YTHDF2: variants seen among roughly 807,000 people sequenced by gnomAD.
YTHDF2 encodes the protein YTH N6-methyladenosine RNA binding protein F2, also known as YTH domain-containing family protein 2.
In YTHDF2, 2 loss-of-function variants were observed where a neutral mutation model predicts 50.4. The ratio of observed to expected loss-of-function variants is 0.04; its 90% CI spans 0.02 to 0.12. YTHDF2 has a LOEUF of 0.12. Among genes scored for constraint, YTHDF2 ranks in the 10% least tolerant of loss-of-function variants. The pLI, the probability that YTHDF2 is intolerant of heterozygous loss-of-function variation, is 1.00. For missense variants in YTHDF2, 483 were observed against 722.6 expected (o/e 0.67, Z 3.80); for synonymous variants, 217 against 255.6 (o/e 0.85, Z 1.44).
At chr1:28,760,163 C>A (rs1290288515) in intron 4 of YTHDF2, among the ~76,000 whole-genome samples, 1 of 152,052 alleles carries the variant, frequency 6.6e-6, no homozygotes, top group African/African-American at 2.4e-5. Flanking sequence ...TCCTGAAGGA[C>A]CTATCAGAGG....
intron 4 of YTHDF2, among the ~76,000 whole-genome samples, chr1:28,751,029 G>A (rs1255539248): frequency 2.1e-5 from 3 of 146,270 alleles, no homozygotes; most frequent in African/African-American, 5.1e-5. Context: ...GGAGATGGAG[G>A]TTGCTGTGAG....
intron 4 of YTHDF2, among the ~76,000 whole-genome samples, chr1:28,756,404 A>G (rs1307241762): frequency 6.6e-6 from 1 of 152,192 alleles, no homozygotes; most frequent in Non-Finnish European, 1.5e-5. Context: ...AGTATGAGCC[A>G]TTCTGCTTAC....
chr1:28,737,509 A>G, intron 1 of YTHDF2, 149 bp from the exon 2 acceptor site: 3 of 1,103,174 alleles, frequency 2.7e-6, no homozygotes, highest in Admixed American at 2.9e-5. Context: ...CCCGCCTCCC[A>G]TTTTCAGCCT....
chr1:28,751,090 C>CAAAA lies in YTHDF2; in HGVS notation c.1716+7121_1716+7124dup, dbSNP rs56916547. On this transcript the variant is annotated intron_variant, in intron 4 of 4. Coordinates refer to ENST00000373812, the MANE Select transcript of YTHDF2 (RefSeq NM_016258.3). ...CCTTTGTGACAGAGCGAGACTGTCT[C>CAAAA]AAAAAAAAAAAAAAAAAAAAGGCTG... Among the ~76,000 whole-genome samples the CAAAA allele has an allele frequency of 1.3e-3, 44 of 33,754 alleles. 8 individuals carry two copies. The highest frequency in any genetic ancestry group is 5.5e-3 in the African/African-American group (35 of 6,348). The allele number at this position is 33,754 out of a possible 152,430, so 22.1% of individuals were successfully genotyped here. A position where few individuals can be genotyped will look rare whatever the true frequency, so the allele number is the denominator to read the frequency against.
chr1:28,750,747 A>G (rs1339503270), intron 4 of YTHDF2, among the ~76,000 whole-genome samples: 22 of 151,662 alleles, frequency 1.5e-4, no homozygotes, highest in Non-Finnish European at 1.2e-4. Flanking sequence ...TACATTTACT[A>G]TATATATATA....
intron 3 of YTHDF2, among the ~76,000 whole-genome samples, 179 bp from the exon 4 acceptor site, chr1:28,742,224 A>G (rs1462825978): frequency 6.6e-6 from 1 of 151,818 alleles, no homozygotes; most frequent in Admixed American, 6.6e-5. Flanking sequence ...CGAGCTCCTG[A>G]CCTCAGGTGA....
chr1:28,744,234 CAG>C (rs1182966778), intron 4 of YTHDF2, among the ~76,000 whole-genome samples: 1 of 152,050 alleles, frequency 6.6e-6, no homozygotes, highest in African/African-American at 2.4e-5. Context: ...GGAAATCAGA[CAG>C]AAACAGTACA....
chr1:28,737,805 A>C, intron 2 of YTHDF2, 123 bp downstream of exon 2: 1 of 1,154,204 alleles, frequency 8.7e-7, no homozygotes, highest in Non-Finnish European at 1.2e-6. Flanking sequence ...CAGGTGCCGC[A>C]CACTTAAGTA....
intron 4 of YTHDF2, among the ~76,000 whole-genome samples, chr1:28,749,231 G>A (rs761690023): frequency 4.7e-5 from 6 of 127,626 alleles, no homozygotes; most frequent in South Asian, 2.4e-4. Flanking sequence ...TCGCTCTGTC[G>A]TCCAGGCGGG....
chr1:28,757,464 A>G (rs1258285743), intron 4 of YTHDF2, among the ~76,000 whole-genome samples: 2 of 152,132 alleles, frequency 1.3e-5, no homozygotes, highest in Non-Finnish European at 2.9e-5. Context: ...TGGTATTGCA[A>G]TTTCTGTTGG....
chr1:28,754,980 AAAAAG>A (rs1253733677), intron 4 of YTHDF2, among the ~76,000 whole-genome samples: 5 of 151,682 alleles, frequency 3.3e-5, no homozygotes, highest in African/African-American at 1.2e-4. Flanking sequence ...AAAAAAAAAA[AAAAAG>A]GGGTGGGAGA....
At chr1:28,766,328 G>A (rs1008474401) in intron 4 of YTHDF2, among the ~76,000 whole-genome samples, 1 of 152,140 alleles carries the variant, frequency 6.6e-6, no homozygotes, top group Admixed American at 6.6e-5. Flanking sequence ...GGTTGCCCAG[G>A]CTGGTCTTGA....
chr1:28,750,653 G>A (rs2087937444), intron 4 of YTHDF2, among the ~76,000 whole-genome samples: 1 of 152,124 alleles, frequency 6.6e-6, no homozygotes, highest in Non-Finnish European at 1.5e-5. Context: ...AACGGACTGA[G>A]GCCAGAAAGC....
intron 1 of YTHDF2, 26 bp from the exon 2 acceptor site, chr1:28,737,632 C>T (rs990104518): frequency 3.1e-6 from 5 of 1,613,686 alleles, no homozygotes; most frequent in East Asian, 4.5e-5. Flanking sequence ...CAACTTGCTG[C>T]TCGGCGACGT....
At chr1:28,767,816 A>C (rs981394096) in intron 4 of YTHDF2, among the ~76,000 whole-genome samples, 5 of 124,720 alleles carry the variant, frequency 4.0e-5, no homozygotes, top group African/African-American at 1.5e-4. Context: ...TAATTTTTGT[A>C]TTTTTAGTAG....
intron 4 of YTHDF2, among the ~76,000 whole-genome samples, chr1:28,749,422 T>G (rs531265322): frequency 1.3e-5 from 2 of 152,074 alleles, no homozygotes; most frequent in Non-Finnish European, 2.9e-5. Context: ...CCTCATGATC[T>G]GCCCGCCCCG....
chr1:28,766,123 G>A (rs1019759435), intron 4 of YTHDF2, among the ~76,000 whole-genome samples: 1 of 152,104 alleles, frequency 6.6e-6, no homozygotes. Context: ...TCATTGTTTT[G>A]AGATAGGGTC....
chr1:28,757,471 T>C (rs929918268), intron 4 of YTHDF2, among the ~76,000 whole-genome samples: 1 of 152,208 alleles, frequency 6.6e-6, no homozygotes, highest in Non-Finnish European at 1.5e-5. Context: ...GCAATTTCTG[T>C]TGGTTCTCAA....
chr1:28,767,389 ATAGTC>A (rs1335905192), intron 4 of YTHDF2, among the ~76,000 whole-genome samples: 2 of 152,202 alleles, frequency 1.3e-5, no homozygotes, highest in Admixed American at 6.5e-5. Context: ...AAGGACATCT[ATAGTC>A]TAAGTTTCTA....
Sources: allele counts gnomAD v4.1 joint callset (sites outside exome capture counted in the v4.1 genomes callset), GRCh38; gene constraint gnomAD v4.1.1; transcripts MANE v1.5; gene names NCBI Gene and HGNC (gene_info 2026-07-23, HGNC 2026-07-21).